SHB: variants seen among roughly 807,000 people sequenced by gnomAD.
SHB encodes the protein SH2 domain-containing adapter protein B.
Under a neutral mutation model 52.3 loss-of-function variants are expected in SHB, and 20 were observed. The ratio of observed to expected loss-of-function variants is 0.38; its 90% CI spans 0.27 to 0.56. The LOEUF is 0.56. Among genes scored for constraint, SHB ranks in the 20% least tolerant of loss-of-function variants. The pLI, the probability that SHB is intolerant of heterozygous loss-of-function variation, is 0.71. For missense variants in SHB, 825 were observed against 723.3 expected, an observed-to-expected ratio of 1.14 and a Z score of -1.61; for synonymous variants, 397 against 316.5, an observed-to-expected ratio of 1.25 and a Z score of -2.70.
Position 37,977,961 on chromosome 9 carries a change from C to T in SHB, c.839-3124G>A, listed in dbSNP as rs139831727. ...CACAGATGTACTTCCCGTCGGGCCC[C>T]TGATAATCAGGAGTGCTTTTGCTCA... On this transcript the variant is annotated intron_variant, in intron 2 of 5. Coordinates refer to ENST00000377707, the MANE Select transcript of SHB (RefSeq NM_003028.3). Among the ~76,000 whole-genome samples the T allele has an allele frequency of 1.9e-3, 289 of 152,318 alleles. 1 individual carries two copies. Among genetic ancestry groups the T allele is most frequent in the African/African-American group, 6.7e-3 (277 of 41,566 alleles).
intron 2 of SHB, among the ~76,000 whole-genome samples, chr9:37,993,315 C>CG (rs1322294835): frequency 3.9e-5 from 6 of 152,080 alleles, no homozygotes; most frequent in Non-Finnish European, 7.4e-5. Context: ...GGAAGAAAAA[C>CG]GAACTGAGCT....
chr9:37,933,985 C>A lies in SHB; in HGVS notation c.1347-13981G>T, dbSNP rs911302388. Among the ~76,000 whole-genome samples, 120 of 152,256 alleles carry A rather than the reference C, an allele frequency of 7.9e-4. 1 individual carries two copies. The highest frequency in any genetic ancestry group is 1.8e-4 in the Non-Finnish European group (12 of 68,048). On this transcript the variant is annotated intron_variant, in intron 5 of 5. Coordinates refer to ENST00000377707, the MANE Select transcript of SHB (RefSeq NM_003028.3). The stretch of plus-strand genomic sequence containing the variant: ...GGCAGAATTTCCTGTCCTTTCCCAT[C>A]CTGGTCGCTTCTGCTGCCCGTTCCC...
intron 2 of SHB, among the ~76,000 whole-genome samples, chr9:37,982,996 C>A (rs1820757528): frequency 6.8e-6 from 1 of 146,186 alleles, no homozygotes. Context: ...TCTTTTCCAG[C>A]TGTGCTGGCA....
chr9:38,017,109 C>T (rs111310811), intron 1 of SHB, among the ~76,000 whole-genome samples: 8 of 152,178 alleles, frequency 5.3e-5, no homozygotes, highest in African/African-American at 1.7e-4. Flanking sequence ...ACTTCCTAAC[C>T]TTTAGGAGAG....
intron 1 of SHB, among the ~76,000 whole-genome samples, chr9:38,018,583 T>C (rs1180623632): frequency 6.6e-6 from 1 of 151,958 alleles, no homozygotes; most frequent in African/African-American, 2.4e-5. Flanking sequence ...ATTTAATCAA[T>C]TTGCTTTTGA....
intron 3 of SHB, among the ~76,000 whole-genome samples, chr9:37,971,452 TGC>T (rs1049993768): frequency 2.0e-5 from 3 of 152,182 alleles, no homozygotes; most frequent in African/African-American, 7.2e-5. Flanking sequence ...CTGCCAATGC[TGC>T]GCCTAATGGA....
At chr9:37,996,006 T>G (rs1448230957) in intron 2 of SHB, among the ~76,000 whole-genome samples, 1 of 152,256 alleles carries the variant, frequency 6.6e-6, no homozygotes, top group Non-Finnish European at 1.5e-5. Context: ...TCTTACAGGG[T>G]TCACCAGAAA....
At chr9:37,986,027 CGTCCTAGA>C (rs1167245795) in intron 2 of SHB, among the ~76,000 whole-genome samples, 1 of 152,204 alleles carries the variant, frequency 6.6e-6, no homozygotes, top group East Asian at 1.9e-4. Flanking sequence ...TGGCTCCCAG[CGTCCTAGA>C]GTGGTGTATG....
At chr9:38,052,693 G>A (rs910259339) in intron 1 of SHB, among the ~76,000 whole-genome samples, 1 of 152,064 alleles carries the variant, frequency 6.6e-6, no homozygotes, top group Non-Finnish European at 1.5e-5. Flanking sequence ...AGACATACAG[G>A]TGTCCCTAAA....
intron 2 of SHB, among the ~76,000 whole-genome samples, chr9:37,993,900 CT>C (rs909376922): frequency 8.5e-5 from 13 of 152,138 alleles, no homozygotes; most frequent in Non-Finnish European, 4.4e-5. Context: ...GCTCAAAGAC[CT>C]ACAAAAAACT....
chr9:37,981,171 G>C (rs554115654), intron 2 of SHB, among the ~76,000 whole-genome samples: 2 of 152,230 alleles, frequency 1.3e-5, no homozygotes, highest in Admixed American at 6.5e-5. Flanking sequence ...GAAAGTCCTA[G>C]ATGGCATCTT....
intron 5 of SHB, among the ~76,000 whole-genome samples, chr9:37,938,843 G>A (rs147455717): frequency 1.3e-5 from 2 of 152,318 alleles, no homozygotes; most frequent in Non-Finnish European, 2.9e-5. Flanking sequence ...TGAACTGGCA[G>A]AGTGAGGCAG....
chr9:37,921,724 G>A (rs16934599), intron 5 of SHB, among the ~76,000 whole-genome samples: 7 of 152,188 alleles, frequency 4.6e-5, no homozygotes, highest in African/African-American at 1.7e-4. Flanking sequence ...CGGCGCACTC[G>A]CTTAGGCTGC....
intron 5 of SHB, among the ~76,000 whole-genome samples, chr9:37,935,147 T>C (rs1478071327): frequency 6.6e-6 from 1 of 152,176 alleles, no homozygotes; most frequent in African/African-American, 2.4e-5. Flanking sequence ...GAAATGTGGG[T>C]GTCCGGGTCA....
intron 5 of SHB, among the ~76,000 whole-genome samples, chr9:37,929,469 G>C (rs1309007548): frequency 6.6e-6 from 1 of 152,226 alleles, no homozygotes. Flanking sequence ...CTCATCTGCT[G>C]GGCAGGAGCC....
In SHB at chr9:38,015,471, TCC is replaced by T. The variant is rs1183745689; in HGVS notation, c.838+538_838+539del. On this transcript the variant is annotated intron_variant, in intron 2 of 5. Transcript: ENST00000377707. ...GCCACTGGGGGAATGTCTCCATGCT[TCC>T]TGTAAACCTGTCATGTAGACCAGGG... 4.3e-6 allele frequency: 3 copies of T among 702,910 alleles called. No individual in the cohort carries two copies. The East Asian group carries it at 8.0e-5, about 19-fold the overall frequency. The allele number at this position is 702,910 out of a possible 1,614,324, so 43.5% of individuals were successfully genotyped here.
At chr9:38,009,585 A>G (rs1821112395) in intron 2 of SHB, among the ~76,000 whole-genome samples, 3 of 152,260 alleles carry the variant, frequency 2.0e-5, no homozygotes, top group Non-Finnish European at 4.4e-5. Flanking sequence ...TGAAACACAG[A>G]GGCCACAATT....
intron 2 of SHB, among the ~76,000 whole-genome samples, chr9:37,985,868 C>A (rs778587504): frequency 2.0e-5 from 3 of 152,216 alleles, no homozygotes; most frequent in Non-Finnish European, 2.9e-5. Context: ...CGCCTGCCTG[C>A]GCCAGGCACT....
intron 1 of SHB, among the ~76,000 whole-genome samples, chr9:38,059,746 G>C (rs943217596): frequency 6.6e-6 from 1 of 152,038 alleles, no homozygotes; most frequent in Non-Finnish European, 1.5e-5. Context: ...ACACCACCCC[G>C]GCACAAAGGG....
Sources: gnomAD v4.1 joint callset for allele counts (sites outside exome capture counted in the v4.1 genomes callset) on GRCh38, gnomAD v4.1.1 for gene constraint, MANE v1.5 for transcripts, NCBI Gene and HGNC (gene_info 2026-07-23, HGNC 2026-07-21) for gene names.